Variants in ARID1B observed in about 807,000 individuals in gnomAD.
ARID1B encodes AT-rich interactive domain-containing protein 1B.
A neutral mutation model predicts 212.3 loss-of-function variants in ARID1B; 30 were observed. That is an observed-to-expected ratio of 0.14 (90% confidence interval 0.11 to 0.19). ARID1B has a LOEUF of 0.19. ARID1B is among the 10% of genes least tolerant of loss of function. The pLI, the probability that ARID1B is intolerant of heterozygous loss-of-function variation, is 1.00. For synonymous variants in ARID1B, 1,402 were observed against 1,301.7 expected (o/e 1.08, Z -1.66); for missense variants, 2,891 against 3,204.0 (o/e 0.90, Z 2.36).
chr6:157,155,010 G>A (rs1790485394), intron 8 of ARID1B, among the ~76,000 whole-genome samples: 2 of 151,940 alleles, frequency 1.3e-5, no homozygotes, highest in Non-Finnish European at 2.9e-5. Flanking sequence ...GAGTATCTTC[G>A]TGGATCTTCC....
chr6:157,192,341 A>G (rs1323476125), intron 15 of ARID1B, among the ~76,000 whole-genome samples: 3 of 152,190 alleles, frequency 2.0e-5, no homozygotes, highest in Admixed American at 6.5e-5. Flanking sequence ...TTAGACAACT[A>G]TAGGTGTATT....
chr6:156,885,197 A>C (rs1015556259), intron 2 of ARID1B, among the ~76,000 whole-genome samples: 8 of 152,170 alleles, frequency 5.3e-5, no homozygotes, highest in Non-Finnish European at 1.0e-4. Context: ...TGGATTTTGG[A>C]GGGTTCTGTC....
chr6:156,995,042 G>A (rs1205812743), intron 4 of ARID1B, among the ~76,000 whole-genome samples: 1 of 152,200 alleles, frequency 6.6e-6, no homozygotes, highest in African/African-American at 2.4e-5. Flanking sequence ...TGCACCCCTG[G>A]AATGTGAGGA....
At chr6:156,959,824 C>T (rs927849985) in intron 4 of ARID1B, among the ~76,000 whole-genome samples, 2 of 151,800 alleles carry the variant, frequency 1.3e-5, no homozygotes, top group Non-Finnish European at 2.9e-5. Flanking sequence ...TGGTGGCAGG[C>T]GGGAGGTCTG....
At chr6:156,867,801 T>TC (rs1441161425) in intron 2 of ARID1B, among the ~76,000 whole-genome samples, 5 of 152,210 alleles carry the variant, frequency 3.3e-5, no homozygotes, top group African/African-American at 9.7e-5. Flanking sequence ...CCTTTAAATC[T>TC]CAGGCTGTTC....
At chr6:157,047,725 T>C (rs1782332588) in intron 4 of ARID1B, among the ~76,000 whole-genome samples, 2 of 152,216 alleles carry the variant, frequency 1.3e-5, no homozygotes, top group Admixed American at 1.3e-4. Context: ...CTTATTTACT[T>C]GTATAATTTA....
rs9480430 is a variant in ARID1B, at chr6:157,079,183, G to C, written c.2248-5479G>C. Among the ~76,000 whole-genome samples the C allele has an allele frequency of 5.4e-3, 826 of 152,294 alleles. 5 individuals carry two copies. The highest frequency in any genetic ancestry group is 8.9e-3 in the Non-Finnish European group (604 of 68,014). On this transcript the variant is annotated intron_variant, in intron 4 of 19. Transcript: ENST00000636930. ...TCTTAAGGCCTAACAATTAGTGCTT[G>C]GCAGATTTTTTTTCCAGGGATTCTG...
intron 2 of ARID1B, among the ~76,000 whole-genome samples, chr6:156,887,711 G>A (rs140504986): frequency 1.2e-3 from 188 of 152,040 alleles, no homozygotes; most frequent in African/African-American, 4.3e-3. Context: ...CTTTTGACTC[G>A]TGGTAACAAT....
At chr6:157,144,591 T>C (rs1211173921) in intron 7 of ARID1B, among the ~76,000 whole-genome samples, 1 of 152,106 alleles carries the variant, frequency 6.6e-6, no homozygotes, top group Non-Finnish European at 1.5e-5. Context: ...GCGAAGGGGA[T>C]GTGAGCTTGG....
At chr6:157,041,222 G>A (rs145178883) in intron 4 of ARID1B, among the ~76,000 whole-genome samples, 3 of 152,208 alleles carry the variant, frequency 2.0e-5, no homozygotes, top group African/African-American at 4.8e-5. Flanking sequence ...TAGGATAACC[G>A]TGCCTTGTAT....
intron 11 of ARID1B, among the ~76,000 whole-genome samples, chr6:157,177,504 C>G (rs1792180870): frequency 6.6e-6 from 1 of 152,204 alleles, no homozygotes; most frequent in Non-Finnish European, 1.5e-5. Flanking sequence ...TGAAGATGCT[C>G]TATGCTTTGA....
intron 2 of ARID1B, 136 bp from the exon 3 acceptor site, chr6:156,901,240 G>A: frequency 1.0e-6 from 1 of 1,001,062 alleles, no homozygotes; most frequent in Non-Finnish European, 1.5e-6. Flanking sequence ...ATTTGTTTAA[G>A]GAAGAGAGGA....
chr6:156,927,664 A>G (rs566447769), intron 3 of ARID1B, among the ~76,000 whole-genome samples: 1 of 152,370 alleles, frequency 6.6e-6, no homozygotes, highest in South Asian at 2.1e-4. Context: ...TACCAGGCAG[A>G]GTAGCTGCTA....
intron 4 of ARID1B, among the ~76,000 whole-genome samples, chr6:157,043,658 T>C (rs923696939): frequency 2.6e-5 from 4 of 151,644 alleles, no homozygotes; most frequent in South Asian, 2.1e-4. Context: ...AAATGTGTGA[T>C]ATTAACATAT....
chr6:157,154,940 T>C (rs1302004501), intron 8 of ARID1B, among the ~76,000 whole-genome samples: 1 of 152,186 alleles, frequency 6.6e-6, no homozygotes, highest in Non-Finnish European at 1.5e-5. Context: ...ACAACACCTC[T>C]TCATTTTTGT....
chr6:156,925,274 G>A (rs1436483413), intron 3 of ARID1B, among the ~76,000 whole-genome samples: 1 of 152,172 alleles, frequency 6.6e-6, no homozygotes, highest in Non-Finnish European at 1.5e-5. Flanking sequence ...GCAGTGTTGA[G>A]TCCTTTGTCA....
chr6:157,142,178 G>A (rs1220976482), intron 7 of ARID1B, among the ~76,000 whole-genome samples: 5 of 152,218 alleles, frequency 3.3e-5, no homozygotes, highest in Non-Finnish European at 7.3e-5. Context: ...ACGGAAATCA[G>A]ATCAGTGGTT....
At chr6:157,057,006 ATT>A (rs145502825) in intron 4 of ARID1B, among the ~76,000 whole-genome samples, 1 of 145,024 alleles carries the variant, frequency 6.9e-6, no homozygotes, top group Non-Finnish European at 1.5e-5. Context: ...AGTTGTTTGA[ATT>A]TTTTTTTTTT....
intron 1 of ARID1B, among the ~76,000 whole-genome samples, chr6:156,785,764 A>C (rs1316890581): frequency 6.6e-6 from 1 of 152,228 alleles, no homozygotes; most frequent in Non-Finnish European, 1.5e-5. Context: ...TTTTGTAACC[A>C]TTAATCTTAT....
Sources: gnomAD v4.1 joint callset for allele counts (sites outside exome capture counted in the v4.1 genomes callset) on GRCh38, gnomAD v4.1.1 for gene constraint, MANE v1.5 for transcripts, NCBI Gene and HGNC (gene_info 2026-07-23, HGNC 2026-07-21) for gene names.